The following LRFN2 variants were observed in gnomAD, a reference collection of about 807,000 sequenced individuals.
The protein encoded by LRFN2 is leucine rich repeat and fibronectin type III domain containing 2, also known as leucine-rich repeat and fibronectin type-III domain-containing protein 2.
Under a neutral mutation model 37.3 loss-of-function variants are expected in LRFN2, and 18 were observed. The ratio of observed to expected loss-of-function variants is 0.48; its 90% confidence interval spans 0.33 to 0.72. The LOEUF (loss-of-function observed/expected upper bound fraction) is 0.72, where lower values mean the gene tolerates loss of function less well. Ranked by LOEUF, LRFN2 falls within the 30% of genes least tolerant of loss-of-function variation. The pLI is 0.02. For synonymous variants in LRFN2, 556 were observed against 466.6 expected (o/e 1.19, Z -2.47); for missense variants, 1,006 against 1,060.7 (o/e 0.95, Z 0.72).
chr6:40,416,955 A>C (rs1687357169), intron 2 of LRFN2, among the ~76,000 whole-genome samples: 1 of 152,198 alleles, frequency 6.6e-6, no homozygotes, highest in Non-Finnish European at 1.5e-5. Flanking sequence ...GGGGAAGAAT[A>C]GGGCTTGGGT....
intron 2 of LRFN2, among the ~76,000 whole-genome samples, chr6:40,424,802 C>T (rs925851203): frequency 6.6e-6 from 1 of 152,184 alleles, no homozygotes; most frequent in African/African-American, 2.4e-5. Flanking sequence ...TCCTGGCATG[C>T]CCCACTCCCT....
chr6:40,518,770 G>A (rs1012809271), intron 1 of LRFN2, among the ~76,000 whole-genome samples: 9 of 152,284 alleles, frequency 5.9e-5, no homozygotes, highest in African/African-American at 1.9e-4. Context: ...GCATGAAAAT[G>A]AACAGGACAT....
chr6:40,502,845 C>A (rs1477134899), intron 1 of LRFN2, among the ~76,000 whole-genome samples: 2 of 152,238 alleles, frequency 1.3e-5, no homozygotes, highest in African/African-American at 4.8e-5. Flanking sequence ...AATGATCAGA[C>A]AGCCACATTA....
chr6:40,585,519 G>A (rs543944613), intron 1 of LRFN2, among the ~76,000 whole-genome samples: 1 of 152,058 alleles, frequency 6.6e-6, no homozygotes, highest in Non-Finnish European at 1.5e-5. Flanking sequence ...CTACCCTCAG[G>A]GCTCTGCTGT....
rs3734556 is a variant in LRFN2, at chr6:40,393,013, G to A, written c.1401-101C>T. ...AGAAACAGAGTGACAGAGATGGGGA[G>A]GGGGAGGGGAGGGAGGCCAAGACAG... On this transcript the variant is annotated intron_variant, in intron 2 of 2. Transcript: ENST00000338305. The A allele has an allele frequency of 2.2e-3, 2,237 of 1,005,242 alleles. 72 individuals are homozygous for A. The East Asian group carries it at 0.041, about 18-fold the overall frequency. The allele number at this position is 1,005,242 out of a possible 1,614,324, so 62.3% of individuals were successfully genotyped here.
rs1251656945 is a variant in LRFN2, at chr6:40,577,560, T to A, written c.-19+9381A>T. Among the ~76,000 whole-genome samples, 8 of 146,090 alleles carry A rather than the reference T, an allele frequency of 5.5e-5. No homozygotes were observed. In the East Asian group the frequency reaches 1.6e-3, roughly 30 times the overall value. On this transcript the variant is annotated intron_variant, in intron 1 of 2. Transcript: ENST00000338305. ...AACTCGTCATCTAGCATTAGGTATA[T>A]CTCCCAATGCTATCCCTCTCCCCTC... is the stretch of plus-strand genomic sequence containing the variant.
intron 1 of LRFN2, among the ~76,000 whole-genome samples, chr6:40,436,216 A>G (rs943148947): frequency 6.6e-6 from 1 of 152,248 alleles, no homozygotes; most frequent in African/African-American, 2.4e-5. Flanking sequence ...CACATTTCAA[A>G]TGCTCATTAG....
intron 2 of LRFN2, among the ~76,000 whole-genome samples, chr6:40,404,633 A>G (rs1296231636): frequency 6.6e-6 from 1 of 152,232 alleles, no homozygotes; most frequent in Non-Finnish European, 1.5e-5. Context: ...GTTCTAGAAC[A>G]TGCTATGCAG....
Position 40,586,528 on chromosome 6 carries a change from C to A in LRFN2, c.-19+413G>T, listed in dbSNP as rs560306216. On this transcript the variant is annotated intron_variant, in intron 1 of 2. Coordinates refer to ENST00000338305, the MANE Select transcript of LRFN2 (RefSeq NM_020737.3). Reference sequence around the variant, plus strand: ...TCCACAGAGCTCAGGGAGTCCCCGGCGCCCCCACCTAGCCCCCAGCAATGG... The same window carrying A: ...TCCACAGAGCTCAGGGAGTCCCCGGAGCCCCCACCTAGCCCCCAGCAATGG... Among the ~76,000 whole-genome samples, 3 of 152,208 alleles carry A rather than the reference C, an allele frequency of 2.0e-5. No homozygotes were observed. The South Asian group carries it at 6.2e-4, about 32-fold the overall frequency.
chr6:40,483,989 C>T (rs181472477), intron 1 of LRFN2, among the ~76,000 whole-genome samples: 27 of 152,256 alleles, frequency 1.8e-4, no homozygotes, highest in Admixed American at 9.2e-4. Context: ...GCCAGGAGTG[C>T]GGGCTGTCTT....
At position 40,392,243 on chromosome 6, in the gene LRFN2, G is replaced by A. The variant is rs1762521351; in HGVS notation, c.2070C>T (p.Gly690=). The change falls in exon 3 of 3, where the codon GGC becomes GGT. Residue 690 remains glycine (G), a synonymous_variant. Transcript: ENST00000338305. This position sits in a 1 kb window ranked among gnomAD's most constrained non-coding sequence, Gnocchi z 4.7. ...GCAGTGGCTCTCGGTCCGAGTGGTG[G>A]CCCCGGGCCGACGTCCCAGCCCCTC... ...AGRGAGTSAR[G]HHSDREPLLG... 4 of 1,574,346 alleles carry A rather than the reference G, an allele frequency of 2.5e-6. No homozygotes were observed. Among genetic ancestry groups the A allele is most frequent in the Non-Finnish European group, 3.4e-6 (4 of 1,162,820 alleles).
rs1216222434 is a variant in LRFN2 at position 40,551,600 on chromosome 6, A to C, written c.-19+35341T>G. ...TAATCATAGCAGCTAACCTGATGGC[A>C]GGGAGTAGATAGTGATTGATAACTA... On this transcript the variant is annotated intron_variant, in intron 1 of 2. Coordinates refer to ENST00000338305, the MANE Select transcript of LRFN2 (RefSeq NM_020737.3). Among the ~76,000 whole-genome samples, 3 of 152,228 alleles carry C rather than the reference A, an allele frequency of 2.0e-5. No individual in the cohort carries two copies. The East Asian group carries it at 5.8e-4, about 29-fold the overall frequency.
chr6:40,486,612 C>T (rs1366498191), intron 1 of LRFN2, among the ~76,000 whole-genome samples: 1 of 152,084 alleles, frequency 6.6e-6, no homozygotes, highest in Admixed American at 6.6e-5. Context: ...AGAAGTGTCC[C>T]ATGGTTAGGA....
At chr6:40,404,608 C>T (rs1363895493) in intron 2 of LRFN2, among the ~76,000 whole-genome samples, 2 of 152,224 alleles carry the variant, frequency 1.3e-5, no homozygotes, top group African/African-American at 4.8e-5. Context: ...ACAGGCAGTG[C>T]TATTGGATGG....
rs115118739 is a variant in LRFN2 at position 40,492,268 on chromosome 6, C to T, written c.-18-59137G>A. On this transcript the variant is annotated intron_variant, in intron 1 of 2. Transcript: ENST00000338305. Reference sequence around the variant, plus strand: ...CCCTGAGTCCCAAGGGTGAGTGAAGCGTGAAGGGCGGGAAGGTGCAGTCCC... The same window carrying T: ...CCCTGAGTCCCAAGGGTGAGTGAAGTGTGAAGGGCGGGAAGGTGCAGTCCC... 3.4e-3 allele frequency among the ~76,000 whole-genome samples: 516 copies of T among 152,262 alleles called. 5 individuals are homozygous for T. Among genetic ancestry groups the T allele is most frequent in the Non-Finnish European group, 5.1e-3 (348 of 68,010 alleles).
chr6:40,432,905 T>C lies in LRFN2; in HGVS notation c.209A>G (p.Gln70Arg), dbSNP rs754628511. 8 of 1,614,114 alleles carry C rather than the reference T, an allele frequency of 5.0e-6. No homozygotes were observed. Among genetic ancestry groups the C allele is most frequent in the Non-Finnish European group, 6.8e-6 (8 of 1,180,030 alleles). Residue 70 changes from glutamine to arginine, a missense_variant, in exon 2 of 3, where the codon CAG (glutamine) becomes CGG (arginine). Transcript: ENST00000338305. ...GGNFIIHISRQDFANMTGLVD... is the reference protein window; with the variant it reads ...GGNFIIHISRRDFANMTGLVD... ...CAGCCCCGTCATGTTGGCAAAGTCC[T>C]GGCGGCTGATGTGGATGATGAAGTT...
intron 1 of LRFN2, among the ~76,000 whole-genome samples, chr6:40,492,448 C>T (rs909654583): frequency 6.6e-6 from 1 of 152,198 alleles, no homozygotes; most frequent in African/African-American, 2.4e-5. Context: ...TAAATCAGAT[C>T]CACATGTGCA....
chr6:40,490,686 G>A (rs1765071332), intron 1 of LRFN2, among the ~76,000 whole-genome samples: 1 of 152,214 alleles, frequency 6.6e-6, no homozygotes, highest in African/African-American at 2.4e-5. Context: ...AGCCAGGCCT[G>A]GGTTTGCTCA....
chr6:40,445,453 C>A (rs911174230), intron 1 of LRFN2, among the ~76,000 whole-genome samples: 4 of 152,140 alleles, frequency 2.6e-5, no homozygotes, highest in Non-Finnish European at 5.9e-5. Flanking sequence ...GACTCCCCCA[C>A]CAACTAGGGC....
Sources: allele counts gnomAD v4.1 joint callset (sites outside exome capture counted in the v4.1 genomes callset), GRCh38; gene constraint gnomAD v4.1.1; non-coding constraint Gnocchi (gnomAD v3.1); transcripts MANE v1.5; gene names NCBI Gene and HGNC (gene_info 2026-07-23, HGNC 2026-07-21).